ZFPM2: variants seen among roughly 807,000 people sequenced by gnomAD.
The protein encoded by ZFPM2 is zinc finger protein ZFPM2.
Under a neutral mutation model 98.6 loss-of-function variants are expected in ZFPM2, and 20 were observed. That is an observed-to-expected ratio of 0.20 (90% CI 0.14 to 0.29). The LOEUF (loss-of-function observed/expected upper bound fraction) is 0.29, where lower values mean the gene tolerates loss of function less well. ZFPM2 is among the 10% of genes least tolerant of loss of function. The pLI is 1.00. For missense variants in ZFPM2, 1,310 were observed against 1,388.6 expected, an observed-to-expected ratio of 0.94 and a Z score of 0.90; for synonymous variants, 518 against 502.7, an observed-to-expected ratio of 1.03 and a Z score of -0.41.
At chr8:105,547,474 G>A (rs1383452121) in intron 3 of ZFPM2, among the ~76,000 whole-genome samples, 43 of 146,134 alleles carry the variant, frequency 2.9e-4, no homozygotes, top group Admixed American at 2.0e-3. Context: ...CCCGGGAGGC[G>A]GAGGTTGCAG....
intron 5 of ZFPM2, among the ~76,000 whole-genome samples, chr8:105,737,956 G>C (rs2131027156): frequency 6.6e-6 from 1 of 151,270 alleles, no homozygotes; most frequent in African/African-American, 2.4e-5. Flanking sequence ...CTATGTTCCA[G>C]AATATAACCA....
intron 3 of ZFPM2, among the ~76,000 whole-genome samples, chr8:105,504,019 T>A (rs1010025723): frequency 1.1e-4 from 16 of 152,266 alleles, no homozygotes; most frequent in South Asian, 4.1e-4. Context: ...GAGCTGCCCT[T>A]ATTTTTTAAA....
chr8:105,380,122 A>G (rs531916734), intron 1 of ZFPM2, among the ~76,000 whole-genome samples: 1 of 152,312 alleles, frequency 6.6e-6, no homozygotes, highest in East Asian at 1.9e-4. Context: ...GAATTTTGAT[A>G]CAGATTTTGA....
chr8:105,407,580 T>C (rs1811487718), intron 1 of ZFPM2, among the ~76,000 whole-genome samples: 1 of 151,886 alleles, frequency 6.6e-6, no homozygotes, highest in Non-Finnish European at 1.5e-5. Flanking sequence ...GCCAATGCAC[T>C]GAAGGTTAAG....
rs1814105964 is a variant in ZFPM2, at chr8:105,803,391, T to C, written c.3309T>C (p.Ser1103=). The C allele has an allele frequency of 2.5e-6, 4 of 1,613,734 alleles. No homozygotes were observed. In the African/African-American group the frequency reaches 4.0e-5, roughly 16 times the overall value. ...GIPSAEEQLS[S]IAKGVNGSSQ... ...CCTCAGCAGAGGAACAGTTGTCTAG[T>C]ATAGCAAAAGGTGTGAATGGTTCCA... Residue 1103 remains serine (S), a synonymous_variant, in exon 8 of 8, where the codon AGT becomes AGC. Coordinates refer to ENST00000407775, the MANE Select transcript of ZFPM2 (RefSeq NM_012082.4).
At chr8:105,529,943 C>T (rs1814260524) in intron 3 of ZFPM2, among the ~76,000 whole-genome samples, 1 of 152,048 alleles carries the variant, frequency 6.6e-6, no homozygotes, top group African/African-American at 2.4e-5. Context: ...GTTGGTCAGG[C>T]TGGTCTAGAA....
chr8:105,464,417 T>C (rs2130316713), intron 3 of ZFPM2, among the ~76,000 whole-genome samples: 1 of 152,192 alleles, frequency 6.6e-6, no homozygotes, highest in East Asian at 1.9e-4. Flanking sequence ...ATGATACTGC[T>C]ATTCAATAGG....
Position 105,627,427 on chromosome 8 carries a change from A to T in ZFPM2, c.421-6819A>T, listed in dbSNP as rs975410366. 3.9e-5 allele frequency among the ~76,000 whole-genome samples: 6 copies of T among 152,104 alleles called. No individual in the cohort carries two copies. In the East Asian group the frequency reaches 5.8e-4, roughly 15 times the overall value. ...AAAGTGCACAAGATTTCTTTTTTTT[A>T]AAAAAGAAGACATTCCAGTTTAAGT... On this transcript the variant is annotated intron_variant, in intron 4 of 7. Transcript: ENST00000407775.
Position 105,342,003 on chromosome 8 carries a change from G to A in ZFPM2, c.40+23022G>A, listed in dbSNP as rs150107955. Reference sequence around the variant, plus strand: ...ATGTAAACCTCTGCTCAGGGAGAACGTGAGTTGGGCATAAAAGCAAAACTC... The same window carrying A: ...ATGTAAACCTCTGCTCAGGGAGAACATGAGTTGGGCATAAAAGCAAAACTC... On this transcript the variant is annotated intron_variant, in intron 1 of 7. Transcript: ENST00000407775. Among the ~76,000 whole-genome samples the A allele has an allele frequency of 2.6e-3, 393 of 152,130 alleles. 1 individual carries two copies. Among genetic ancestry groups the A allele is most frequent in the African/African-American group, 9.0e-3 (373 of 41,530 alleles).
intron 3 of ZFPM2, among the ~76,000 whole-genome samples, chr8:105,454,895 C>G (rs1306086310): frequency 6.6e-6 from 1 of 152,126 alleles, no homozygotes; most frequent in African/African-American, 2.4e-5. Context: ...ACATAATAGA[C>G]TTTGATAGCC....
intron 3 of ZFPM2, among the ~76,000 whole-genome samples, chr8:105,512,873 T>C (rs1813844656): frequency 6.6e-6 from 1 of 151,922 alleles, no homozygotes; most frequent in Non-Finnish European, 1.5e-5. Context: ...CAGAAATACA[T>C]GTATGTATAT....
intron 5 of ZFPM2, among the ~76,000 whole-genome samples, chr8:105,660,890 CAAAAT>C (rs1420938844): frequency 1.3e-5 from 2 of 152,094 alleles, no homozygotes; most frequent in African/African-American, 4.8e-5. Context: ...ATTGCAGACA[CAAAAT>C]AAATGACAAT....
intron 4 of ZFPM2, among the ~76,000 whole-genome samples, chr8:105,624,401 A>C (rs1816611966): frequency 1.3e-5 from 2 of 152,220 alleles, no homozygotes; most frequent in African/African-American, 4.8e-5. Context: ...TGGAGGGAGT[A>C]GTTCCTCTTC....
chr8:105,422,983 C>T (rs1297575304), intron 2 of ZFPM2, among the ~76,000 whole-genome samples: 1 of 152,128 alleles, frequency 6.6e-6, no homozygotes, highest in Non-Finnish European at 1.5e-5. Flanking sequence ...TATAGTTCTT[C>T]AATGGCTCTT....
intron 1 of ZFPM2, among the ~76,000 whole-genome samples, chr8:105,381,827 C>T (rs1250530797): frequency 6.6e-6 from 1 of 152,026 alleles, no homozygotes; most frequent in African/African-American, 2.4e-5. Context: ...TTTTGATCCA[C>T]CAATATTACC....
At chr8:105,569,584 C>T (rs1394344256) in intron 4 of ZFPM2, among the ~76,000 whole-genome samples, 1 of 152,168 alleles carries the variant, frequency 6.6e-6, no homozygotes, top group Non-Finnish European at 1.5e-5. Context: ...GAGATATGCC[C>T]ATGATGGTTT....
At chr8:105,800,221 CTTA>C (rs1354942619) in intron 7 of ZFPM2, among the ~76,000 whole-genome samples, 2 of 152,130 alleles carry the variant, frequency 1.3e-5, no homozygotes, top group Non-Finnish European at 2.9e-5. Context: ...AAAAGGCAGT[CTTA>C]TTCTAGTCCA....
chr8:105,488,617 A>T (rs2130421112), intron 3 of ZFPM2, among the ~76,000 whole-genome samples: 1 of 152,222 alleles, frequency 6.6e-6, no homozygotes, highest in South Asian at 2.1e-4. Context: ...TACAAAAATT[A>T]GCCGGGCATG....
intron 4 of ZFPM2, among the ~76,000 whole-genome samples, chr8:105,605,492 A>G (rs983320924): frequency 3.9e-5 from 6 of 152,122 alleles, no homozygotes; most frequent in African/African-American, 1.4e-4. Context: ...CTGTTGATAG[A>G]TAATTCCATA....
Sources: allele counts gnomAD v4.1 joint callset (sites outside exome capture counted in the v4.1 genomes callset), GRCh38; gene constraint gnomAD v4.1.1; transcripts MANE v1.5; gene names NCBI Gene and HGNC (gene_info 2026-07-23, HGNC 2026-07-21).